The following MYO10 variants were observed in gnomAD, a reference collection of about 807,000 sequenced individuals.
The protein encoded by MYO10 is myosin X, also known as unconventional myosin-X.
Under a neutral mutation model 257.3 loss-of-function variants are expected in MYO10, and 133 were observed. The observed-to-expected ratio is 0.52, with a 90% CI of 0.45 to 0.60. The LOEUF (loss-of-function observed/expected upper bound fraction) is 0.60, where lower values mean the gene tolerates loss of function less well. Ranked by LOEUF, MYO10 falls within the 20% of genes least tolerant of loss-of-function variation. MYO10 has a pLI of 0.00. For missense variants in MYO10, 2,399 were observed against 2,635.7 expected (o/e 0.91, Z 1.97); for synonymous variants, 1,104 against 1,028.6 (o/e 1.07, Z -1.40).
chr5:16,694,276 A>G (rs1737632365), intron 27 of MYO10, 95 bp downstream of exon 27: 2 of 1,559,886 alleles, frequency 1.3e-6, no homozygotes, highest in Non-Finnish European at 8.7e-7. Flanking sequence ...GCTACAGGCT[A>G]CTGCCGCTGC....
At chr5:16,920,682 T>C (rs1032159008) in intron 1 of MYO10, among the ~76,000 whole-genome samples, 6 of 152,230 alleles carry the variant, frequency 3.9e-5, no homozygotes, top group African/African-American at 1.4e-4. Context: ...ATAAGGCCTG[T>C]AGACTGCAGG....
intron 33 of MYO10, among the ~76,000 whole-genome samples, chr5:16,678,208 C>G (rs1369681082): frequency 6.6e-6 from 1 of 152,132 alleles, no homozygotes; most frequent in Non-Finnish European, 1.5e-5. Context: ...TTTTTTAAGG[C>G]TAAAAATGAA....
At chr5:16,718,364 C>CTCCACCTGCAGCCCTGGTGCGGGA (rs1321883536) in intron 19 of MYO10, among the ~76,000 whole-genome samples, 7 of 152,244 alleles carry the variant, frequency 4.6e-5, no homozygotes, top group African/African-American at 1.7e-4. Context: ...TGGCAGGCAG[C>CTCCACCTGCAGCCCTGGTGCGGGA]TCCACCTGCA....
chr5:16,840,109 C>T (rs1032615379), intron 2 of MYO10, among the ~76,000 whole-genome samples: 1 of 152,208 alleles, frequency 6.6e-6, no homozygotes, highest in East Asian at 1.9e-4. Flanking sequence ...GACAGTAACA[C>T]GGCAATTTAA....
At chr5:16,713,845 C>A (rs1213312147) in intron 19 of MYO10, among the ~76,000 whole-genome samples, 1 of 152,188 alleles carries the variant, frequency 6.6e-6, no homozygotes, top group Non-Finnish European at 1.5e-5. Context: ...TCTGCTACTG[C>A]GCTGCCTCCA....
At position 16,676,156 on chromosome 5, in the gene MYO10, TA is replaced by T. The variant is rs1327810009; in HGVS notation, c.4543-3del. On this transcript the variant is annotated splice_region_variant and splice_polypyrimidine_tract_variant and intron_variant, in intron 33 of 40. Coordinates refer to ENST00000513610, the MANE Select transcript of MYO10 (RefSeq NM_012334.3). ...CACATCCGAGTTCAGGCAGTTCTCC[TA>T]AAAATAAAGCAAGCAAGCTTATTGT... 1.2e-6 allele frequency: 2 copies of T among 1,611,300 alleles called. No homozygotes were observed. Among genetic ancestry groups the T allele is most frequent in the Non-Finnish European group, 1.7e-6 (2 of 1,179,222 alleles).
chr5:16,810,926 G>A (rs887124715), intron 3 of MYO10, among the ~76,000 whole-genome samples: 2 of 151,884 alleles, frequency 1.3e-5, no homozygotes, highest in African/African-American at 2.4e-5. Flanking sequence ...AAAATTAGCC[G>A]GGTGTGGTGG....
chr5:16,694,609 G>C lies in MYO10; in HGVS notation c.3562C>G (p.Leu1188Val). 6.2e-7 allele frequency: 1 copy of C among 1,613,728 alleles called. No homozygotes were observed. The highest frequency in any genetic ancestry group is 8.5e-7 in the Non-Finnish European group (1 of 1,179,880). ...FHSFLYMKGG[L>V]MNSWKRRWCV... ...CAGCGGCGTTTCCAAGAGTTCATCAGGCCACCTGTTCCCCGTGAGATTGGG... is the reference window on the plus strand; with the variant it reads ...CAGCGGCGTTTCCAAGAGTTCATCACGCCACCTGTTCCCCGTGAGATTGGG... Residue 1188 changes from leucine (L) to valine (V), a missense_variant, in exon 27 of 41, where the codon CTG (leucine) becomes GTG (valine). By Grantham distance (32) the Leu-to-Val change is conservative. Coordinates refer to ENST00000513610, the MANE Select transcript of MYO10 (RefSeq NM_012334.3).
intron 1 of MYO10, among the ~76,000 whole-genome samples, chr5:16,910,087 T>C (rs1207774658): frequency 2.0e-5 from 3 of 152,126 alleles, no homozygotes; most frequent in Admixed American, 6.6e-5. Flanking sequence ...TATTCCTTTA[T>C]AGCAACAAAA....
intron 2 of MYO10, among the ~76,000 whole-genome samples, chr5:16,857,332 A>C (rs1319663213): frequency 6.6e-6 from 1 of 152,216 alleles, no homozygotes; most frequent in African/African-American, 2.4e-5. Context: ...CGGCAGCAGC[A>C]GTTGAAAAAG....
intron 30 of MYO10, 118 bp from the exon 31 acceptor site, chr5:16,682,131 T>C: frequency 8.4e-7 from 1 of 1,196,758 alleles, no homozygotes. Flanking sequence ...TATACACTGC[T>C]AGGCTATCTG....
At chr5:16,805,152 A>C (rs183217539) in intron 3 of MYO10, among the ~76,000 whole-genome samples, 1 of 152,034 alleles carries the variant, frequency 6.6e-6, no homozygotes, top group East Asian at 1.9e-4. Context: ...TGTCAAGTGA[A>C]GCAAAGATAA....
At chr5:16,699,244 T>C (rs1307924586) in intron 26 of MYO10, among the ~76,000 whole-genome samples, 3 of 152,052 alleles carry the variant, frequency 2.0e-5, no homozygotes, top group Admixed American at 1.3e-4. Context: ...ACAGCACCCA[T>C]GTCACACCAA....
chr5:16,935,850 T>A lies in MYO10; in HGVS notation c.-42A>T. 6.2e-7 allele frequency: 1 copy of A among 1,610,064 alleles called. No homozygotes were observed. Among genetic ancestry groups the A allele is most frequent in the Non-Finnish European group, 8.5e-7 (1 of 1,178,572 alleles). On this transcript the variant is annotated 5_prime_UTR_variant, in exon 1 of 41. Transcript: ENST00000513610. ...CGGACTCGCCGAGTGCCGCTCCGAC[T>A]CGCGGAAGTCAGCGCCGCCGCGGGT...
intron 19 of MYO10, chr5:16,738,088 C>G (rs892884143): frequency 2.1e-6 from 2 of 971,578 alleles, no homozygotes; most frequent in Non-Finnish European, 2.4e-6. Context: ...GAGGCCAAAG[C>G]TTAGAGGAGG....
At chr5:16,823,735 A>C (rs1371126546) in intron 2 of MYO10, among the ~76,000 whole-genome samples, 1 of 143,402 alleles carries the variant, frequency 7.0e-6, no homozygotes, top group Non-Finnish European at 1.5e-5. Flanking sequence ...GCCTCCCAAA[A>C]TGTTGGGATT....
At chr5:16,878,985 TAAAAAAAA>T (rs78179858) in intron 1 of MYO10, among the ~76,000 whole-genome samples, 4 of 139,468 alleles carry the variant, frequency 2.9e-5, no homozygotes, top group South Asian at 2.3e-4. Context: ...TAATGAAATT[TAAAAAAAA>T]AAAAGAAAAA....
chr5:16,766,295 C>A, intron 10 of MYO10, 97 bp from the exon 11 acceptor site: 1 of 865,300 alleles, frequency 1.2e-6, no homozygotes, highest in Non-Finnish European at 1.9e-6. Flanking sequence ...CTGAATCCCT[C>A]ACGCAGAGTT....
At chr5:16,682,676 G>T (rs964329805) in intron 30 of MYO10, among the ~76,000 whole-genome samples, 1 of 152,040 alleles carries the variant, frequency 6.6e-6, no homozygotes, top group Non-Finnish European at 1.5e-5. Context: ...ACTCTTTCTT[G>T]CAAGTCTTCA....
Sources: allele counts gnomAD v4.1 joint callset (sites outside exome capture counted in the v4.1 genomes callset), GRCh38; gene constraint gnomAD v4.1.1; transcripts MANE v1.5; gene names NCBI Gene and HGNC (gene_info 2026-07-23, HGNC 2026-07-21).